The following SMC4 variants were observed in gnomAD, a reference collection of about 807,000 sequenced individuals.
The protein encoded by SMC4 is structural maintenance of chromosomes 4, also known as structural maintenance of chromosomes protein 4.
SMC4 carries 87 observed loss-of-function variants against 145.6 expected under a neutral mutation model. The ratio of observed to expected loss-of-function variants is 0.60; its 90% CI spans 0.50 to 0.71. The LOEUF (loss-of-function observed/expected upper bound fraction) is 0.71, where lower values mean the gene tolerates loss of function less well. SMC4 is among the 30% of genes least tolerant of loss of function. The pLI, the probability that SMC4 is intolerant of heterozygous loss-of-function variation, is 0.00. For missense variants in SMC4, 1,447 were observed against 1,537.1 expected, an observed-to-expected ratio of 0.94 and a Z score of 0.98; for synonymous variants, 558 against 500.7, an observed-to-expected ratio of 1.11 and a Z score of -1.53.
chr3:160,431,278 T>C, intron 20 of SMC4, 73 bp downstream of exon 20: 3 of 1,301,314 alleles, frequency 2.3e-6, no homozygotes, highest in Non-Finnish European at 3.1e-6. Flanking sequence ...GAGGATTGTT[T>C]TAGGGGGTTG....
rs1559995766 is a variant in SMC4 at position 160,412,092 on chromosome 3, A to T, written c.852+8A>T. The T allele has an allele frequency of 1.2e-6, 2 of 1,605,446 alleles. No individual in the cohort carries two copies. Among genetic ancestry groups the T allele is most frequent in the East Asian group, 4.5e-5 (2 of 44,708 alleles). The stretch of plus-strand genomic sequence containing the variant: ...GAACACAGAGGAGAGAAGGTGAATC[A>T]TCTGTAGACTTTCATTGTAAATCAG... On this transcript the variant is annotated splice_region_variant and intron_variant, in intron 6 of 23. Transcript: ENST00000357388.
chr3:160,433,281 T>C (rs1718610299), intron 23 of SMC4, 72 bp downstream of exon 23: 1 of 1,077,254 alleles, frequency 9.3e-7, no homozygotes, highest in Non-Finnish European at 1.4e-6. Context: ...ATGGAATTCT[T>C]TATTTCTTAC....
rs769477070 is a variant in SMC4 at position 160,419,561 on chromosome 3, G to A, written c.1857+18G>A. On this transcript the variant is annotated intron_variant, in intron 12 of 23. Coordinates refer to ENST00000357388, the MANE Select transcript of SMC4 (RefSeq NM_001002800.3). ...GAAGATTGGTAAAGTAGATTTTTGG[G>A]GGGCATGGCTTTACTTTTTTTTTTT... 3.2e-6 allele frequency: 5 copies of A among 1,567,198 alleles called. No homozygotes were observed. The highest frequency in any genetic ancestry group is 4.3e-6 in the Non-Finnish European group (5 of 1,166,382).
At position 160,433,719 on chromosome 3, in the gene SMC4, G is replaced by T. The variant is rs751695413; in HGVS notation, c.3777G>T (p.Ser1259=). Residue 1259 remains serine, a synonymous_variant, in exon 24 of 24, where the codon TCG becomes TCT. Transcript: ENST00000357388. The stretch of plus-strand genomic sequence containing the variant: ...TTCGAAATAATATGTTTGAGATTTC[G>T]GATAGACTTATTGGAATTTACAAGA... The part of the protein sequence containing the change: ...ISLRNNMFEI[S]DRLIGIYKTY... 1.9e-6 allele frequency: 3 copies of T among 1,586,086 alleles called. No homozygotes were observed. The South Asian group carries it at 3.5e-5, about 18-fold the overall frequency.
At position 160,402,748 on chromosome 3, in the gene SMC4, G is replaced by T. The variant is rs1178101740; in HGVS notation, c.391G>T (p.Gly131Cys). 1.2e-6 allele frequency: 2 copies of T among 1,611,914 alleles called. No homozygotes were observed. The highest frequency in any genetic ancestry group is 1.3e-5 in the African/African-American group (1 of 74,860). ...NVIDSMLFVF[G>C]YRAQKIRSKK... is the part of the protein sequence containing the mutation. ...TATTGATTCTATGCTTTTTGTGTTT[G>T]GCTATCGAGCACAAAAAATAAGATC... Residue 131 changes from glycine to cysteine, a missense_variant, in exon 4 of 24, where the codon GGC becomes TGC. Transcript: ENST00000357388.
chr3:160,429,039 C>T (rs942749660), intron 18 of SMC4, 97 bp downstream of exon 18: 3 of 1,049,962 alleles, frequency 2.9e-6, no homozygotes, highest in Non-Finnish European at 4.1e-6. Flanking sequence ...GTTTCTCTTA[C>T]TGTTAATTTA....
chr3:160,412,146 TAGTA>T (rs926410426), intron 6 of SMC4, 62 bp downstream of exon 6: 102 of 1,549,188 alleles, frequency 6.6e-5, no homozygotes, highest in African/African-American at 3.0e-4. Context: ...TAACAAATTT[TAGTA>T]AGTCAGATAT....
chr3:160,407,793 AT>A (rs1218553690), intron 5 of SMC4, among the ~76,000 whole-genome samples: 3 of 152,154 alleles, frequency 2.0e-5, no homozygotes, highest in Admixed American at 6.5e-5. Context: ...AAGGTGTCTG[AT>A]TCAATATCCA....
chr3:160,427,399 C>T (rs1388452286), intron 17 of SMC4, among the ~76,000 whole-genome samples: 2 of 152,304 alleles, frequency 1.3e-5, no homozygotes, highest in African/African-American at 2.4e-5. Context: ...GAATAAAGGA[C>T]GGAAGAACCC....
At chr3:160,401,111 T>C (rs1310268150) in intron 2 of SMC4, 146 bp downstream of exon 2, 1 of 1,146,158 alleles carries the variant, frequency 8.7e-7, no homozygotes, top group African/African-American at 1.6e-5. Context: ...AGGAAAGCCA[T>C]TTGGCAACTT....
intron 12 of SMC4, among the ~76,000 whole-genome samples, chr3:160,419,779 C>G (rs1716976107): frequency 6.6e-6 from 1 of 151,976 alleles, no homozygotes; most frequent in African/African-American, 2.4e-5. Context: ...TAATGTCACA[C>G]AAACTTAAAA....
chr3:160,423,884 A>G (rs1717479165), intron 15 of SMC4, 44 bp downstream of exon 15: 4 of 1,471,172 alleles, frequency 2.7e-6, no homozygotes, highest in Non-Finnish European at 3.7e-6. Context: ...TTTTTTTTTA[A>G]ATAGCTTTAC....
intron 15 of SMC4, among the ~76,000 whole-genome samples, chr3:160,424,143 GTAT>G (rs753393243): frequency 3.1e-4 from 47 of 151,270 alleles, no homozygotes; most frequent in Non-Finnish European, 6.0e-4. Flanking sequence ...GGTTTTTTTT[GTAT>G]TATTGCTGTA....
rs752998275 is a variant in SMC4 at position 160,424,931 on chromosome 3, A to G, written c.2390A>G (p.Lys797Arg). 1.2e-6 allele frequency: 2 copies of G among 1,614,020 alleles called. No individual in the cohort carries two copies. The highest frequency in any genetic ancestry group is 2.2e-5 in the South Asian group (2 of 91,066). Residue 797 changes from lysine to arginine, a missense_variant, in exon 16 of 24, where the codon AAA becomes AGA. Coordinates refer to ENST00000357388, the MANE Select transcript of SMC4 (RefSeq NM_001002800.3). ...SKKAMQIQEQ[K>R]VQLEERVVKL... ...AAAGCAATGCAAATCCAAGAACAGAAAGTACAACTTGAAGAAAGAGTAGTT... is the reference window on the plus strand; with the variant it reads ...AAAGCAATGCAAATCCAAGAACAGAGAGTACAACTTGAAGAAAGAGTAGTT...
intron 5 of SMC4, among the ~76,000 whole-genome samples, chr3:160,405,363 T>C (rs1235259761): frequency 2.0e-5 from 3 of 151,666 alleles, no homozygotes; most frequent in Non-Finnish European, 4.4e-5. Flanking sequence ...GTCAAGTTCC[T>C]GTTTGATTCG....
At chr3:160,420,705 C>T in intron 12 of SMC4, 35 bp from the exon 13 acceptor site, 1 of 1,601,572 alleles carries the variant, frequency 6.2e-7, no homozygotes, top group East Asian at 2.2e-5. Context: ...TGCTTTTCTG[C>T]CTAACTCTTT....
chr3:160,409,363 A>G (rs1239836052), intron 5 of SMC4, among the ~76,000 whole-genome samples: 1 of 144,258 alleles, frequency 6.9e-6, no homozygotes, highest in Non-Finnish European at 1.5e-5. Context: ...AAAAAAAAAA[A>G]TGCTCAACTC....
At chr3:160,412,241 T>C in intron 6 of SMC4, 85 bp from the exon 7 acceptor site, 1 of 1,454,700 alleles carries the variant, frequency 6.9e-7, no homozygotes, top group South Asian at 1.3e-5. Context: ...CCTTATTAAC[T>C]GTTTTTATCT....
chr3:160,425,952 T>G, intron 16 of SMC4, 122 bp from the exon 17 acceptor site: 1 of 710,630 alleles, frequency 1.4e-6, no homozygotes, highest in African/African-American at 1.8e-5. Context: ...ATGGCACATA[T>G]CTTTCCTCTT....
Sources: gnomAD v4.1 joint callset for allele counts (sites outside exome capture counted in the v4.1 genomes callset) on GRCh38, gnomAD v4.1.1 for gene constraint, MANE v1.5 for transcripts, NCBI Gene and HGNC (gene_info 2026-07-23, HGNC 2026-07-21) for gene names.